Variants in CFAP299 observed in about 807,000 individuals in gnomAD.
CFAP299 encodes cilia- and flagella-associated protein 299.
In CFAP299, 21 loss-of-function variants were observed where a neutral mutation model predicts 27.0. That is an observed-to-expected ratio of 0.78 (90% CI 0.55 to 1.12). The LOEUF (loss-of-function observed/expected upper bound fraction) is 1.12. CFAP299 is among the 50% of genes most tolerant of loss of function. The pLI is 0.00. For missense variants in CFAP299, 310 were observed against 276.6 expected (o/e 1.12, Z -0.86); for synonymous variants, 104 against 98.1 (o/e 1.06, Z -0.36).
intron 4 of CFAP299, among the ~76,000 whole-genome samples, chr4:80,880,203 G>T (rs1278577451): frequency 6.6e-6 from 1 of 152,066 alleles, no homozygotes; most frequent in African/African-American, 2.4e-5. Context: ...GATGGAAATG[G>T]CTTGAAGTTC....
At chr4:80,321,930 C>G in the CFAP299 span, among the ~76,000 whole-genome samples, 1 of 152,222 alleles carries the variant, frequency 6.6e-6, no homozygotes, top group Non-Finnish European at 1.5e-5. Flanking sequence ...ACCCAGCCCC[C>G]TTTGGCCGTG....
chr4:80,955,043 T>A lies in CFAP299; in HGVS notation c.607-8474T>A, dbSNP rs1221046219. Among the ~76,000 whole-genome samples, 39 of 116,540 alleles carry A rather than the reference T, an allele frequency of 3.3e-4. 3 individuals carry two copies. Among genetic ancestry groups the A allele is most frequent in the Admixed American group, 9.8e-4 (10 of 10,250 alleles). 76.5% of individuals were successfully genotyped at this position (116,540 alleles called of 152,430 possible). A position where few individuals can be genotyped will look rare whatever the true frequency, so the allele number is the denominator to read the frequency against. On this transcript the variant is annotated intron_variant, in intron 5 of 5. Coordinates refer to ENST00000358105, the MANE Select transcript of CFAP299 (RefSeq NM_152770.3). Reference sequence around the variant, plus strand: ...AAAAAAAAAAAAAAAAACGCACACATGGCCATATACAGAGTAGTATAATTG... The same window carrying A: ...AAAAAAAAAAAAAAAAACGCACACAAGGCCATATACAGAGTAGTATAATTG...
At chr4:80,843,601 G>A (rs1387462385) in intron 3 of CFAP299, among the ~76,000 whole-genome samples, 1 of 151,920 alleles carries the variant, frequency 6.6e-6, no homozygotes, top group Admixed American at 6.6e-5. Context: ...ACCCAGTAAC[G>A]GGGTGGCTGG....
chr4:80,753,525 T>C (rs1725056893), intron 3 of CFAP299, among the ~76,000 whole-genome samples: 1 of 152,158 alleles, frequency 6.6e-6, no homozygotes, highest in Non-Finnish European at 1.5e-5. Context: ...TGTGATTTAG[T>C]GTCTGACATT....
At position 80,862,572 on chromosome 4, in the gene CFAP299, C is replaced by G. The variant is rs79778515; in HGVS notation, c.334-7421C>G. 1.7e-4 allele frequency among the ~76,000 whole-genome samples: 26 copies of G among 152,214 alleles called. 1 individual carries two copies. In the East Asian group the frequency reaches 5.0e-3, roughly 29 times the overall value. ...ATTGCAAAGTGGCTGCAATTATCCA[C>G]TTTGTCCTTTGTCCATGACCTTTTG... On this transcript the variant is annotated intron_variant, in intron 3 of 5. Transcript: ENST00000358105.
At chr4:80,334,423 G>A (rs1472292602), upstream of CFAP299, among the ~76,000 whole-genome samples, 4 of 151,940 alleles carry the variant, frequency 2.6e-5, no homozygotes, top group African/African-American at 4.8e-5. Context: ...GATTACAGGC[G>A]CCCACCATCA....
intron 2 of CFAP299, among the ~76,000 whole-genome samples, chr4:80,501,955 T>C (rs1731772529): frequency 6.6e-6 from 1 of 152,080 alleles, no homozygotes; most frequent in Admixed American, 6.6e-5. Context: ...TGGTAAATAA[T>C]TTGAAATTCT....
intron 2 of CFAP299, among the ~76,000 whole-genome samples, chr4:80,569,361 A>G (rs563127952): frequency 6.6e-6 from 1 of 152,136 alleles, no homozygotes; most frequent in Non-Finnish European, 1.5e-5. Flanking sequence ...GTATATTACT[A>G]TATTTCTTTA....
At chr4:80,546,918 T>C (rs1025747047) in intron 2 of CFAP299, among the ~76,000 whole-genome samples, 1 of 152,070 alleles carries the variant, frequency 6.6e-6, no homozygotes, top group Non-Finnish European at 1.5e-5. Context: ...CTAACATAGA[T>C]AGGAAGAATC....
At chr4:80,542,770 A>G (rs1293568496) in intron 2 of CFAP299, among the ~76,000 whole-genome samples, 2 of 151,520 alleles carry the variant, frequency 1.3e-5, no homozygotes, top group African/African-American at 4.9e-5. Context: ...GGCCACTACC[A>G]TACCACTGGA....
At chr4:80,922,790 C>T (rs1736111384) in intron 4 of CFAP299, among the ~76,000 whole-genome samples, 1 of 150,366 alleles carries the variant, frequency 6.7e-6, no homozygotes, top group South Asian at 2.1e-4. Flanking sequence ...ATGCTCCCAA[C>T]TAAAAATCTT....
rs527843399 is a variant in CFAP299 at position 80,448,113 on chromosome 4, C to T, written c.242+85229C>T. Among the ~76,000 whole-genome samples the T allele has an allele frequency of 5.1e-4, 78 of 152,316 alleles. 1 individual carries two copies. The highest frequency in any genetic ancestry group is 1.8e-3 in the African/African-American group (73 of 41,568). On this transcript the variant is annotated intron_variant, in intron 2 of 5. Coordinates refer to ENST00000358105, the MANE Select transcript of CFAP299 (RefSeq NM_152770.3). ...TCTCTCTGCTCAGATTACCCCACTT[C>T]GTGGCAATATTGCAGACTTTATTTC...
At chr4:80,389,218 T>C (rs1027857328) in intron 2 of CFAP299, among the ~76,000 whole-genome samples, 1 of 152,308 alleles carries the variant, frequency 6.6e-6, no homozygotes, top group South Asian at 2.1e-4. Flanking sequence ...GGATTGTCTT[T>C]TGGATTTTCT....
At chr4:80,583,815 A>G (rs936284167) in intron 3 of CFAP299, among the ~76,000 whole-genome samples, 7 of 151,974 alleles carry the variant, frequency 4.6e-5, no homozygotes, top group Non-Finnish European at 1.0e-4. Context: ...ATCAAATTTA[A>G]TAGAAAAGGC....
At chr4:80,704,320 TTAA>T (rs2110030335) in intron 3 of CFAP299, among the ~76,000 whole-genome samples, 1 of 151,854 alleles carries the variant, frequency 6.6e-6, no homozygotes, top group East Asian at 1.9e-4. Context: ...CTGCATCATT[TTAA>T]TAATATCAAC....
intron 3 of CFAP299, among the ~76,000 whole-genome samples, chr4:80,629,799 G>A (rs544923577): frequency 1.7e-3 from 258 of 151,130 alleles, no homozygotes; most frequent in Middle Eastern, 0.01. Flanking sequence ...AGAATCGCTG[G>A]AGCCAGGGAG....
At chr4:80,530,814 G>T (rs1733426381) in intron 2 of CFAP299, among the ~76,000 whole-genome samples, 1 of 152,196 alleles carries the variant, frequency 6.6e-6, no homozygotes, top group Non-Finnish European at 1.5e-5. Context: ...CACACTCCAG[G>T]CAGAGTGAAA....
At chr4:80,351,895 T>C (rs1723030856) in intron 1 of CFAP299, among the ~76,000 whole-genome samples, 1 of 150,278 alleles carries the variant, frequency 6.7e-6, no homozygotes, top group South Asian at 2.1e-4. Context: ...TAATTATGAT[T>C]TATAAATAAT....
chr4:80,802,117 C>T (rs1367419443), intron 3 of CFAP299, among the ~76,000 whole-genome samples: 2 of 151,962 alleles, frequency 1.3e-5, no homozygotes, highest in African/African-American at 4.8e-5. Flanking sequence ...ATTGTTTTGC[C>T]TATCATTTTA....
Sources: allele counts gnomAD v4.1 joint callset (sites outside exome capture counted in the v4.1 genomes callset), GRCh38; gene constraint gnomAD v4.1.1; transcripts MANE v1.5; gene names NCBI Gene and HGNC (gene_info 2026-07-23, HGNC 2026-07-21).